Variants in CFAP61 observed in about 807,000 individuals in gnomAD.
The protein encoded by CFAP61 is cilia and flagella associated protein 61, also known as cilia- and flagella-associated protein 61.
In CFAP61, 107 loss-of-function variants were observed where a neutral mutation model predicts 135.6. The ratio of observed to expected loss-of-function variants is 0.79; its 90% CI spans 0.67 to 0.93. The LOEUF (loss-of-function observed/expected upper bound fraction) is 0.93, where lower values mean the gene tolerates loss of function less well. Ranked by LOEUF, CFAP61 falls within the 40% of genes least tolerant of loss-of-function variation. The probability of loss-of-function intolerance (pLI) is 0.00; values close to 1 mark genes in which losing one functional copy is unlikely to be tolerated. For missense variants in CFAP61, 1,507 were observed against 1,556.2 expected (o/e 0.97, Z 0.53); for synonymous variants, 575 against 578.5 (o/e 0.99, Z 0.09).
At chr20:20,194,539 T>C (rs1176796099) in intron 15 of CFAP61, among the ~76,000 whole-genome samples, 1 of 152,246 alleles carries the variant, frequency 6.6e-6, no homozygotes, top group Non-Finnish European at 1.5e-5. Flanking sequence ...TTCTCTATGC[T>C]GGTCTTTTTT....
chr20:20,058,757 C>A (rs2044564148), intron 2 of CFAP61, among the ~76,000 whole-genome samples: 1 of 152,114 alleles, frequency 6.6e-6, no homozygotes, highest in African/African-American at 2.4e-5. Flanking sequence ...TAGTCACAGG[C>A]CAGTAGTGTG....
intron 24 of CFAP61, among the ~76,000 whole-genome samples, chr20:20,296,947 G>A (rs903433809): frequency 3.3e-5 from 5 of 151,872 alleles, no homozygotes; most frequent in East Asian, 3.9e-4. Flanking sequence ...TAGATTTCCC[G>A]TCTATCCATC....
intron 25 of CFAP61, among the ~76,000 whole-genome samples, chr20:20,341,569 T>C (rs1201911665): frequency 2.0e-5 from 3 of 152,222 alleles, no homozygotes; most frequent in Non-Finnish European, 4.4e-5. Context: ...GGCTTTTAAA[T>C]TCTGATAAAA....
intron 25 of CFAP61, among the ~76,000 whole-genome samples, chr20:20,318,118 G>A (rs2057243595): frequency 6.6e-6 from 1 of 152,174 alleles, no homozygotes. Flanking sequence ...TTGCCCTCAG[G>A]ACAGATCTGC....
At chr20:20,338,369 G>C (rs1347119799) in intron 25 of CFAP61, among the ~76,000 whole-genome samples, 1 of 152,226 alleles carries the variant, frequency 6.6e-6, no homozygotes, top group Non-Finnish European at 1.5e-5. Context: ...CTCTGTAGGC[G>C]TGAGTGTCAG....
At chr20:20,309,315 C>A (rs2056674602) in intron 25 of CFAP61, among the ~76,000 whole-genome samples, 1 of 152,078 alleles carries the variant, frequency 6.6e-6, no homozygotes, top group Admixed American at 6.6e-5. Flanking sequence ...AAAATCTATA[C>A]CTAATCCCAC....
At chr20:20,067,078 A>G (rs926978802) in intron 2 of CFAP61, among the ~76,000 whole-genome samples, 5 of 152,148 alleles carry the variant, frequency 3.3e-5, no homozygotes, top group South Asian at 2.1e-4. Flanking sequence ...AAAAAGTTTT[A>G]TAACATCTGA....
chr20:20,076,454 A>G (rs1397664721), intron 6 of CFAP61, among the ~76,000 whole-genome samples: 2 of 152,158 alleles, frequency 1.3e-5, no homozygotes, highest in African/African-American at 4.8e-5. Flanking sequence ...AGAGCCCCAT[A>G]TATCTACAGC....
At chr20:20,071,729 C>T (rs571173643) in intron 3 of CFAP61, among the ~76,000 whole-genome samples, 297 of 152,202 alleles carry the variant, frequency 2.0e-3, no homozygotes, top group Non-Finnish European at 3.6e-3. Context: ...ATTCACCCCC[C>T]GTACATGTGT....
intron 22 of CFAP61, among the ~76,000 whole-genome samples, chr20:20,282,506 C>T (rs953134445): frequency 6.6e-6 from 1 of 152,156 alleles, no homozygotes; most frequent in Non-Finnish European, 1.5e-5. Context: ...AAAATATTTT[C>T]TAATCTCCCT....
At chr20:20,227,202 A>G (rs2048799807) in intron 17 of CFAP61, among the ~76,000 whole-genome samples, 1 of 152,236 alleles carries the variant, frequency 6.6e-6, no homozygotes, top group Non-Finnish European at 1.5e-5. Flanking sequence ...AACTCCTGGT[A>G]TCCCAGGGTT....
intron 18 of CFAP61, among the ~76,000 whole-genome samples, chr20:20,241,806 C>T (rs980871280): frequency 2.0e-5 from 3 of 152,022 alleles, no homozygotes; most frequent in Admixed American, 1.3e-4. Context: ...TTATTATTAG[C>T]ATTTTTCATT....
chr20:20,280,928 A>G (rs2145053), intron 22 of CFAP61, among the ~76,000 whole-genome samples: 121,925 of 152,078 alleles, frequency 0.8, 49,007 homozygotes, highest in Middle Eastern at 0.87. Context: ...ATGGTGTGTC[A>G]TTGTGTTTTT....
At chr20:20,328,898 G>A (rs1689668296) in intron 25 of CFAP61, among the ~76,000 whole-genome samples, 1 of 152,200 alleles carries the variant, frequency 6.6e-6, no homozygotes, top group Non-Finnish European at 1.5e-5. Flanking sequence ...CGTTGTCGGG[G>A]TGTGGAGGTT....
intron 18 of CFAP61, among the ~76,000 whole-genome samples, chr20:20,228,924 C>T (rs1373501547): frequency 2.0e-5 from 3 of 152,228 alleles, no homozygotes; most frequent in African/African-American, 7.2e-5. Flanking sequence ...AGACACTCCA[C>T]ATAATCAGGC....
chr20:20,172,140 C>T (rs2054268544), intron 13 of CFAP61: 7 of 859,258 alleles, frequency 8.1e-6, no homozygotes, highest in African/African-American at 1.8e-5. Flanking sequence ...AAAAAGGATA[C>T]TATGGGAACA....
chr20:20,347,471 C>T (rs1263288429), intron 26 of CFAP61, among the ~76,000 whole-genome samples: 1 of 152,044 alleles, frequency 6.6e-6, no homozygotes, highest in Non-Finnish European at 1.5e-5. Flanking sequence ...AATTGATAAA[C>T]CTTTAGCTAG....
At chr20:20,125,514 A>G (rs763745495) in intron 8 of CFAP61, among the ~76,000 whole-genome samples, 3 of 151,654 alleles carry the variant, frequency 2.0e-5, no homozygotes, top group Non-Finnish European at 4.4e-5. Flanking sequence ...ATTTCCACAT[A>G]CTTGCATGGT....
intron 8 of CFAP61, among the ~76,000 whole-genome samples, chr20:20,121,479 T>G (rs1600772435): frequency 6.6e-6 from 1 of 151,844 alleles, no homozygotes; most frequent in African/African-American, 2.4e-5. Context: ...AAGGATTTTA[T>G]TTTTAGTTTT....
Sources: gnomAD v4.1 joint callset for allele counts (sites outside exome capture counted in the v4.1 genomes callset) on GRCh38, gnomAD v4.1.1 for gene constraint, MANE v1.5 for transcripts, NCBI Gene and HGNC (gene_info 2026-07-23, HGNC 2026-07-21) for gene names.